The following FAM135B variants were observed in gnomAD, a reference collection of about 807,000 sequenced individuals.
FAM135B encodes family with sequence similarity 135 member B, also known as protein FAM135B.
In FAM135B, 43 loss-of-function variants were observed where a neutral mutation model predicts 127.7. The observed-to-expected ratio is 0.34, with a 90% confidence interval of 0.26 to 0.43. FAM135B has a LOEUF of 0.43. Among genes scored for constraint, FAM135B ranks in the 20% least tolerant of loss-of-function variants. The pLI, the probability that FAM135B is intolerant of heterozygous loss-of-function variation, is 1.00. For missense variants in FAM135B, 1,558 were observed against 1,725.6 expected (o/e 0.90, Z 1.72); for synonymous variants, 670 against 665.1 (o/e 1.01, Z -0.11).
intron 9 of FAM135B, among the ~76,000 whole-genome samples, chr8:138,193,300 G>A (rs569390581): frequency 6.6e-6 from 1 of 152,352 alleles, no homozygotes; most frequent in Admixed American, 6.5e-5. Flanking sequence ...AACTGTGCCA[G>A]GCTGAGAATC....
At chr8:138,256,502 A>C (rs1322621557) in intron 5 of FAM135B, among the ~76,000 whole-genome samples, 187 bp downstream of exon 5, 2 of 152,200 alleles carry the variant, frequency 1.3e-5, no homozygotes, top group African/African-American at 4.8e-5. Context: ...ACTAAAACGT[A>C]TGTGGTTTGA....
At chr8:138,309,019 T>C (rs1334300909) in intron 3 of FAM135B, 1 of 455,240 alleles carries the variant, frequency 2.2e-6, no homozygotes, top group Non-Finnish European at 4.4e-6. Flanking sequence ...CTGACATATG[T>C]ATATTTAGAA....
intron 1 of FAM135B, chr8:138,440,183 T>C (rs1478705512): frequency 6.6e-6 from 1 of 152,152 alleles, no homozygotes; most frequent in Middle Eastern, 3.2e-3. Flanking sequence ...GACTTAAAGT[T>C]CCAGGTGAGA....
chr8:138,299,718 G>C lies in FAM135B; in HGVS notation c.157+11123C>G, dbSNP rs544724892. Among the ~76,000 whole-genome samples the C allele has an allele frequency of 2.6e-5, 4 of 152,216 alleles. No homozygotes were observed. The East Asian group carries it at 7.7e-4, about 29-fold the overall frequency. On this transcript the variant is annotated intron_variant, in intron 3 of 19. Coordinates refer to ENST00000395297, the MANE Select transcript of FAM135B (RefSeq NM_015912.4). ...CTCATGAGTCTCTATGAAAATGTCA[G>C]TGCATTTGCAGAGACCTTGTAGGTA...
intron 7 of FAM135B, among the ~76,000 whole-genome samples, chr8:138,227,330 A>G (rs73715541): frequency 0.066 from 10,021 of 152,308 alleles, 525 homozygotes; most frequent in East Asian, 0.26. Flanking sequence ...TAAATACAAA[A>G]TGAATCTGCA....
At chr8:138,347,698 A>G (rs1829509252) in intron 2 of FAM135B, among the ~76,000 whole-genome samples, 1 of 152,164 alleles carries the variant, frequency 6.6e-6, no homozygotes, top group Non-Finnish European at 1.5e-5. Flanking sequence ...CAGAGGACGG[A>G]AAGTCAGGGC....
chr8:138,197,573 G>A lies in FAM135B; in HGVS notation c.766C>T (p.Arg256Cys), dbSNP rs370285922. The A allele has an allele frequency of 1.1e-5, 18 of 1,613,958 alleles. No individual in the cohort carries two copies. Among genetic ancestry groups the A allele is most frequent in the Admixed American group, 6.7e-5 (4 of 59,984 alleles). ...LLLLHAYRGL[R>C]LHFLVIMRDI... is the part of the protein sequence containing the mutation. ...CGCATGATCACCAGGAAGTGGAGAC[G>A]GAGACCCCGGTAAGCGTGGAGGAGC... The change falls in exon 8 of 20, where the codon CGT becomes TGT. Residue 256 changes from arginine to cysteine, a missense_variant. By Grantham distance (180) the Arg-to-Cys change is radical (BLOSUM62 -3). Transcript: ENST00000395297.
At chr8:138,390,791 C>A (rs1456808847) in intron 1 of FAM135B, among the ~76,000 whole-genome samples, 2 of 152,136 alleles carry the variant, frequency 1.3e-5, no homozygotes, top group African/African-American at 4.8e-5. Context: ...TCTAGACAGG[C>A]CTTTTCCATT....
intron 1 of FAM135B, among the ~76,000 whole-genome samples, chr8:138,428,484 A>G (rs1012030205): frequency 6.6e-6 from 1 of 152,090 alleles, no homozygotes; most frequent in Non-Finnish European, 1.5e-5. Context: ...TGCCTAGGCC[A>G]TTGTCTCATT....
At chr8:138,344,807 C>T (rs968366264) in intron 2 of FAM135B, among the ~76,000 whole-genome samples, 7 of 152,194 alleles carry the variant, frequency 4.6e-5, no homozygotes, top group African/African-American at 1.7e-4. Flanking sequence ...GATCTCCTGA[C>T]CTCGTGATCT....
At chr8:138,392,581 T>A (rs1450600013) in intron 1 of FAM135B, among the ~76,000 whole-genome samples, 1 of 152,066 alleles carries the variant, frequency 6.6e-6, no homozygotes, top group African/African-American at 2.4e-5. Context: ...TCTGTCGGGA[T>A]TTTTCTAAGT....
At chr8:138,279,210 C>A (rs1383715073) in intron 3 of FAM135B, among the ~76,000 whole-genome samples, 2 of 152,142 alleles carry the variant, frequency 1.3e-5, no homozygotes, top group African/African-American at 4.8e-5. Flanking sequence ...TAATTGCTCC[C>A]TCGTCTGTTT....
At chr8:138,178,410 T>G in intron 10 of FAM135B, 125 bp downstream of exon 10, 1 of 1,094,378 alleles carries the variant, frequency 9.1e-7, no homozygotes, top group Non-Finnish European at 1.3e-6. Context: ...TGCACGGTCA[T>G]GGTAGAGACA....
At chr8:138,252,443 C>T (rs970241489) in intron 5 of FAM135B, among the ~76,000 whole-genome samples, 18 of 152,250 alleles carry the variant, frequency 1.2e-4, no homozygotes, top group Admixed American at 1.0e-3. Flanking sequence ...ACAGATATAA[C>T]CCTAGGGCTT....
At chr8:138,362,378 T>C (rs1449092515) in intron 2 of FAM135B, among the ~76,000 whole-genome samples, 1 of 150,298 alleles carries the variant, frequency 6.7e-6, no homozygotes, top group Non-Finnish European at 1.5e-5. Flanking sequence ...GTATTGTGCA[T>C]GGACTATGGT....
chr8:138,147,154 C>T (rs1469471763), intron 14 of FAM135B, among the ~76,000 whole-genome samples: 1 of 151,986 alleles, frequency 6.6e-6, no homozygotes, highest in Non-Finnish European at 1.5e-5. Context: ...GAAATCTGTG[C>T]ATTTTGTGTT....
intron 2 of FAM135B, among the ~76,000 whole-genome samples, chr8:138,319,996 T>C (rs1275765725): frequency 2.0e-5 from 3 of 152,192 alleles, no homozygotes; most frequent in African/African-American, 7.2e-5. Flanking sequence ...AGCCAAGGGA[T>C]GCAGGCAGCC....
chr8:138,396,309 G>A (rs1312188329), intron 1 of FAM135B, among the ~76,000 whole-genome samples: 2 of 152,146 alleles, frequency 1.3e-5, no homozygotes, highest in East Asian at 3.9e-4. Flanking sequence ...GACATAAAGA[G>A]TGAATAAAAG....
chr8:138,362,603 A>T (rs1830499464), intron 2 of FAM135B, among the ~76,000 whole-genome samples: 1 of 152,156 alleles, frequency 6.6e-6, no homozygotes, highest in Non-Finnish European at 1.5e-5. Flanking sequence ...ACTTAGCTTG[A>T]GGCCTTGGTT....
Sources: gnomAD v4.1 joint callset for allele counts (sites outside exome capture counted in the v4.1 genomes callset) on GRCh38, gnomAD v4.1.1 for gene constraint, MANE v1.5 for transcripts, NCBI Gene and HGNC (gene_info 2026-07-23, HGNC 2026-07-21) for gene names.